The following UMAD1 variants were observed in gnomAD, a reference collection of about 807,000 sequenced individuals.
UMAD1 encodes UBAP1-MVB12-associated (UMA) domain containing 1.
A neutral mutation model predicts 6.1 loss-of-function variants in UMAD1; 8 were observed. That is an observed-to-expected ratio of 1.30 (90% CI 0.76 to 2.35). The LOEUF (loss-of-function observed/expected upper bound fraction) is 2.35, where lower values mean the gene tolerates loss of function less well. Among genes scored for constraint, UMAD1 ranks in the 30% most tolerant of loss-of-function variants. The pLI is 0.00. For missense variants in UMAD1, 130 were observed against 78.4 expected, an observed-to-expected ratio of 1.66 and a Z score of -2.49; for synonymous variants, 56 against 31.4, an observed-to-expected ratio of 1.78 and a Z score of -2.61.
intron 1 of UMAD1, among the ~76,000 whole-genome samples, chr7:7,664,083 G>A (rs1779369562): frequency 6.6e-6 from 1 of 152,142 alleles, no homozygotes; most frequent in Non-Finnish European, 1.5e-5. Flanking sequence ...TAAACATCGT[G>A]AATTTCTTGC....
At chr7:7,718,507 A>T (rs957033630) in intron 2 of UMAD1, 2 of 152,232 alleles carry the variant, frequency 1.3e-5, no homozygotes, top group African/African-American at 4.8e-5. Context: ...ATTCAAACAG[A>T]TACTTACAAA....
chr7:7,819,419 G>C (rs1351671241), intron 3 of UMAD1, among the ~76,000 whole-genome samples: 1 of 152,110 alleles, frequency 6.6e-6, no homozygotes, highest in African/African-American at 2.4e-5. Flanking sequence ...TAAGATTCTT[G>C]AGAGCTGCAT....
At chr7:7,795,586 G>A (rs1289223305) in intron 2 of UMAD1, among the ~76,000 whole-genome samples, 1 of 152,198 alleles carries the variant, frequency 6.6e-6, no homozygotes, top group Non-Finnish European at 1.5e-5. Context: ...AGGGCTGCTG[G>A]TTGGCTATTT....
chr7:7,657,565 A>G (rs1316924428), intron 1 of UMAD1, among the ~76,000 whole-genome samples: 1 of 152,176 alleles, frequency 6.6e-6, no homozygotes, highest in Non-Finnish European at 1.5e-5. Flanking sequence ...TTTATTACAT[A>G]GGGAGTCCCT....
intron 2 of UMAD1, among the ~76,000 whole-genome samples, chr7:7,782,403 T>G (rs1456068558): frequency 6.6e-6 from 1 of 152,162 alleles, no homozygotes; most frequent in East Asian, 1.9e-4. Context: ...AAGATACCAG[T>G]ATTTGTGTCA....
chr7:7,784,918 T>A (rs369787275), intron 2 of UMAD1, among the ~76,000 whole-genome samples: 6,063 of 150,902 alleles, frequency 0.04, 418 homozygotes, highest in African/African-American at 0.14. Flanking sequence ...GCCCGCCACC[T>A]CGCCCGGCTA....
At chr7:7,763,026 C>G (rs1781921321) in intron 2 of UMAD1, among the ~76,000 whole-genome samples, 1 of 151,846 alleles carries the variant, frequency 6.6e-6, no homozygotes, top group South Asian at 2.1e-4. Context: ...TTTATGGAAA[C>G]CTAGTATTTA....
At chr7:7,836,307 A>G (rs1292439203) in intron 3 of UMAD1, among the ~76,000 whole-genome samples, 1 of 152,016 alleles carries the variant, frequency 6.6e-6, no homozygotes, top group East Asian at 1.9e-4. Flanking sequence ...TGGTCTTTAC[A>G]AAGGAACAGT....
intron 2 of UMAD1, among the ~76,000 whole-genome samples, chr7:7,792,410 C>G (rs1049355290): frequency 2.0e-5 from 3 of 152,094 alleles, no homozygotes; most frequent in African/African-American, 7.2e-5. Flanking sequence ...GGAAAACAGA[C>G]AGGGATTAAA....
rs548489397 is a variant in UMAD1 at position 7,756,143 on chromosome 7, C to A, written c.83-45527C>A. On this transcript the variant is annotated intron_variant, in intron 2 of 3. Transcript: ENST00000682710. Reference sequence around the variant, plus strand: ...AACTAGGCATAGTGTGAAGTTGGACCCCAAAGGGTAAAGACGGTTGTTGGA... The same window carrying A: ...AACTAGGCATAGTGTGAAGTTGGACACCAAAGGGTAAAGACGGTTGTTGGA... Among the ~76,000 whole-genome samples the A allele has an allele frequency of 4.7e-4, 71 of 152,104 alleles. No individual in the cohort carries two copies. The South Asian group carries it at 5.8e-3, about 12-fold the overall frequency.
chr7:7,685,094 A>C (rs1563120772), intron 2 of UMAD1, among the ~76,000 whole-genome samples: 1 of 152,224 alleles, frequency 6.6e-6, no homozygotes, highest in Admixed American at 6.5e-5. Flanking sequence ...ATAGATAATG[A>C]GGATGAGACT....
At chr7:7,869,237 A>AGTCAAGAAGGTGAT (rs57224550) in intron 3 of UMAD1, among the ~76,000 whole-genome samples, 1 of 151,820 alleles carries the variant, frequency 6.6e-6, no homozygotes, top group Non-Finnish European at 1.5e-5. Context: ...CTCACCCCAC[A>AGTCAAGAAGGTGAT]GTAATGCAAG....
chr7:7,841,865 T>G (rs1783688371), intron 3 of UMAD1, among the ~76,000 whole-genome samples: 1 of 152,204 alleles, frequency 6.6e-6, no homozygotes, highest in African/African-American at 2.4e-5. Context: ...TCCAATTGTC[T>G]TTGCACTCCA....
chr7:7,753,005 A>G (rs17137255), intron 2 of UMAD1, among the ~76,000 whole-genome samples: 23,878 of 152,162 alleles, frequency 0.16, 1,969 homozygotes, highest in African/African-American at 0.2. Flanking sequence ...TATGTAGCAT[A>G]CATATTCCAG....
intron 3 of UMAD1, among the ~76,000 whole-genome samples, chr7:7,842,982 A>C (rs1783712314): frequency 6.6e-6 from 1 of 152,202 alleles, no homozygotes; most frequent in African/African-American, 2.4e-5. Flanking sequence ...CTGTGGGCCA[A>C]GTGGATACTC....
intron 3 of UMAD1, among the ~76,000 whole-genome samples, chr7:7,824,116 T>C (rs541460512): frequency 8.5e-5 from 13 of 152,092 alleles, no homozygotes; most frequent in Non-Finnish European, 1.9e-4. Flanking sequence ...CACCTTGCCC[T>C]CCGCTCCACA....
At chr7:7,644,152 C>T (rs756328056) in intron 1 of UMAD1, among the ~76,000 whole-genome samples, 10 of 151,986 alleles carry the variant, frequency 6.6e-5, no homozygotes, top group Admixed American at 1.3e-4. Context: ...GTTTTTTTGT[C>T]GTGACCCTAA....
rs1563108170 is a variant in UMAD1, at chr7:7,673,367, CAGCAAT to C, written c.-4_2del. Reference sequence around the variant, plus strand: ...GCAGCAGCAGCAGCAGCAGCAGCAGCAGCAATGTTTCACTTCTTCAGAAAGCCTCCG... The same window carrying C: ...GCAGCAGCAGCAGCAGCAGCAGCAGCGTTTCACTTCTTCAGAAAGCCTCCG... On this transcript the variant is annotated start_lost and 5_prime_UTR_variant, in exon 2 of 4. Coordinates refer to ENST00000682710, the MANE Select transcript of UMAD1 (RefSeq NM_001302348.2). The C allele has an allele frequency of 1.8e-6, 2 of 1,105,528 alleles. No homozygotes were observed. The highest frequency in any genetic ancestry group is 3.2e-5 in the African/African-American group (2 of 62,000). The allele number at this position is 1,105,528 out of a possible 1,614,324, so 68.5% of individuals were successfully genotyped here.
At chr7:7,723,682 A>G (rs1042752502) in intron 2 of UMAD1, among the ~76,000 whole-genome samples, 17 of 152,338 alleles carry the variant, frequency 1.1e-4, no homozygotes, top group Middle Eastern at 3.4e-3. Flanking sequence ...AGTGGCAACC[A>G]TAGTCACTCA....
Sources: allele counts gnomAD v4.1 joint callset (sites outside exome capture counted in the v4.1 genomes callset), GRCh38; gene constraint gnomAD v4.1.1; transcripts MANE v1.5; gene names NCBI Gene and HGNC (gene_info 2026-07-23, HGNC 2026-07-21).